CLCN6: variants seen among roughly 807,000 people sequenced by gnomAD.
CLCN6 encodes H(+)/Cl(-) exchange transporter 6.
A neutral mutation model predicts 109.8 loss-of-function variants in CLCN6; 70 were observed. That is an observed-to-expected ratio of 0.64 (90% CI 0.53 to 0.78). The LOEUF is 0.78. Among genes scored for constraint, CLCN6 ranks in the 30% least tolerant of loss-of-function variants. The probability of loss-of-function intolerance (pLI) is 0.00; values close to 1 mark genes in which losing one functional copy is unlikely to be tolerated. For missense variants in CLCN6, 984 were observed against 1,142.3 expected (o/e 0.86, Z 2.00); for synonymous variants, 444 against 447.8 (o/e 0.99, Z 0.11).
intron 9 of CLCN6, 118 bp from the exon 10 acceptor site, chr1:11,826,971 A>G: frequency 1.5e-6 from 2 of 1,321,762 alleles, no homozygotes; most frequent in African/African-American, 1.5e-5. Flanking sequence ...CTGCCCTTCC[A>G]GGATCCCTGC....
In CLCN6 at chr1:11,824,456, T is replaced by G. The variant is rs369290855; in HGVS notation, c.581-30T>G. On this transcript the variant is annotated intron_variant, in intron 7 of 22. Transcript: ENST00000346436. ...GACCCAGGGGCGTTTCTGCACTGACTGTTGGTCTTTCCTTTTTCACCCTGC... is the reference window on the plus strand; with the variant it reads ...GACCCAGGGGCGTTTCTGCACTGACGGTTGGTCTTTCCTTTTTCACCCTGC... 12 of 1,599,046 alleles carry G rather than the reference T, an allele frequency of 7.5e-6. 1 individual carries two copies. The African/African-American group carries it at 1.5e-4, about 20-fold the overall frequency.
intron 13 of CLCN6, among the ~76,000 whole-genome samples, chr1:11,831,594 C>T (rs892444298): frequency 6.6e-6 from 1 of 152,168 alleles, no homozygotes; most frequent in African/African-American, 2.4e-5. Context: ...TATTCCCAAG[C>T]CTAGCTCATT....
In CLCN6 at chr1:11,828,210, C is replaced by T. The variant is rs765120680; in HGVS notation, c.945C>T (p.Gly315=). The change falls in exon 11 of 23, where the codon GGC becomes GGT. Residue 315 remains glycine (G), a synonymous_variant. Coordinates refer to ENST00000346436, the MANE Select transcript of CLCN6 (RefSeq NM_001286.5). ...AGCTCCCTGGATTGCTGAACTTTGGCGAGTTTAAGGTATGTTTTGTCCTTT... is the reference window on the plus strand; with the variant it reads ...AGCTCCCTGGATTGCTGAACTTTGGTGAGTTTAAGGTATGTTTTGTCCTTT... The part of the protein sequence containing the change: ...SFQLPGLLNF[G]EFKCSDSDKK... 48 of 1,612,956 alleles carry T rather than the reference C, an allele frequency of 3.0e-5. 1 individual carries two copies. Among genetic ancestry groups the T allele is most frequent in the Admixed American group, 6.7e-5 (4 of 59,980 alleles).
At chr1:11,832,062 G>A (rs1644890180) in intron 13 of CLCN6, among the ~76,000 whole-genome samples, 1 of 152,156 alleles carries the variant, frequency 6.6e-6, no homozygotes, top group Non-Finnish European at 1.5e-5. Flanking sequence ...ATTCCACTGA[G>A]TACTTTATAT....
intron 4 of CLCN6, 147 bp downstream of exon 4, chr1:11,816,827 G>A: frequency 1.9e-6 from 1 of 517,754 alleles, no homozygotes; most frequent in Non-Finnish European, 3.3e-6. Flanking sequence ...ATAATCAAGA[G>A]TGCCTTTTCT....
At chr1:11,839,595 A>G (rs576587824) in intron 22 of CLCN6, among the ~76,000 whole-genome samples, 11 of 152,336 alleles carry the variant, frequency 7.2e-5, no homozygotes, top group Admixed American at 2.0e-4. Flanking sequence ...CAACCCTGGC[A>G]TGCATAGTGC....
At position 11,834,161 on chromosome 1, in the gene CLCN6, A is replaced by C. The variant is rs1185978857; in HGVS notation, c.1527-75A>C. On this transcript the variant is annotated intron_variant, in intron 15 of 22. Coordinates refer to ENST00000346436, the MANE Select transcript of CLCN6 (RefSeq NM_001286.5). The surrounding 1 kb of genome is among the most constrained non-coding windows in gnomAD (Gnocchi z 4.5). The stretch of plus-strand genomic sequence containing the variant: ...ATGCACATATGTGCATAGGCACAAG[A>C]GTATGAGCTGTAGGTCCTCCCCACA... The C allele has an allele frequency of 6.3e-7, 1 of 1,594,024 alleles. No individual in the cohort carries two copies. Among genetic ancestry groups the C allele is most frequent in the African/African-American group, 1.4e-5 (1 of 73,756 alleles).
chr1:11,815,814 T>C (rs1222309073), intron 2 of CLCN6, 32 bp from the exon 3 acceptor site: 2 of 1,574,500 alleles, frequency 1.3e-6, no homozygotes, highest in Middle Eastern at 1.7e-4. Flanking sequence ...TCACCTGACA[T>C]GACCTTTTGA....
At chr1:11,835,099 G>A (rs1037218470) in intron 17 of CLCN6, among the ~76,000 whole-genome samples, 2 of 152,202 alleles carry the variant, frequency 1.3e-5, no homozygotes, top group Admixed American at 1.3e-4. Flanking sequence ...CCGTTTCTGT[G>A]GAGGGCCAGA....
intron 5 of CLCN6, 45 bp downstream of exon 5, chr1:11,819,599 C>T (rs760444123): frequency 6.5e-7 from 1 of 1,540,574 alleles, no homozygotes; most frequent in East Asian, 2.2e-5. Flanking sequence ...TCAGTGGTCA[C>T]CAAGATTCTT....
intron 12 of CLCN6, among the ~76,000 whole-genome samples, chr1:11,828,995 C>CT (rs573574855): frequency 1.1e-3 from 165 of 152,350 alleles, no homozygotes; most frequent in African/African-American, 3.7e-3. Flanking sequence ...TAGCAGCCCA[C>CT]TTTAACTGTC....
intron 11 of CLCN6, 111 bp downstream of exon 11, chr1:11,828,330 C>A: frequency 7.1e-7 from 1 of 1,404,018 alleles, no homozygotes; most frequent in Non-Finnish European, 1.0e-6. Flanking sequence ...TCCAGGGACA[C>A]ATCTCACCCA....
At chr1:11,806,943 T>TCAGCTGATGG in intron 1 of CLCN6, 188 bp from the exon 2 acceptor site, 1 of 592,986 alleles carries the variant, frequency 1.7e-6, no homozygotes, top group Admixed American at 3.0e-5. Flanking sequence ...AATGAAGAGC[T>TCAGCTGATGG]CAGCTGATGG....
chr1:11,825,869 G>A (rs1023680203), intron 8 of CLCN6, among the ~76,000 whole-genome samples: 2 of 152,174 alleles, frequency 1.3e-5, no homozygotes, highest in Admixed American at 6.5e-5. Flanking sequence ...GTAATCAGCC[G>A]TCCGCCTCGG....
intron 9 of CLCN6, 82 bp from the exon 10 acceptor site, chr1:11,827,007 T>C (rs984922046): frequency 1.4e-5 from 21 of 1,537,134 alleles, no homozygotes; most frequent in Non-Finnish European, 1.7e-5. Context: ...TGTGAGAAAA[T>C]GTTCATGATA....
Position 11,837,327 on chromosome 1 carries a change from G to A in CLCN6, c.2139-16G>A, listed in dbSNP as rs780757608. The A allele has an allele frequency of 1.2e-6, 2 of 1,602,414 alleles. No homozygotes were observed. Among genetic ancestry groups the A allele is most frequent in the Non-Finnish European group, 1.7e-6 (2 of 1,170,442 alleles). On this transcript the variant is annotated splice_polypyrimidine_tract_variant and intron_variant, in intron 19 of 22. Coordinates refer to ENST00000346436, the MANE Select transcript of CLCN6 (RefSeq NM_001286.5). ...GCTGAGGGTATCCCAGGCAGCATCT[G>A]GTTTTTGTGTAACAGATACACTCCC...
chr1:11,836,930 C>G, intron 18 of CLCN6, 69 bp from the exon 19 acceptor site: 3 of 1,572,174 alleles, frequency 1.9e-6, no homozygotes, highest in Non-Finnish European at 2.6e-6. Flanking sequence ...CACCCAAATC[C>G]TTAAGCTCCA....
intron 2 of CLCN6, 63 bp from the exon 3 acceptor site, chr1:11,815,783 T>A: frequency 7.8e-7 from 1 of 1,281,958 alleles, no homozygotes; most frequent in Non-Finnish European, 1.1e-6. Flanking sequence ...AACCCAGAGG[T>A]TTGTCCCTTT....
rs1409786371 is a variant in CLCN6, at chr1:11,827,238, G to C, written c.840+17G>C. ...TGGAAAGTGGTGAGGAGGACCTTCA[G>C]TGAAAGCATTAACCACACCCCCCGA... On this transcript the variant is annotated intron_variant, in intron 10 of 22. Transcript: ENST00000346436. The C allele has an allele frequency of 1.9e-6, 3 of 1,606,000 alleles. No homozygotes were observed. Among genetic ancestry groups the C allele is most frequent in the Non-Finnish European group, 2.6e-6 (3 of 1,175,172 alleles).
Sources: allele counts gnomAD v4.1 joint callset (sites outside exome capture counted in the v4.1 genomes callset), GRCh38; gene constraint gnomAD v4.1.1; non-coding constraint Gnocchi (gnomAD v3.1); transcripts MANE v1.5; gene names NCBI Gene and HGNC (gene_info 2026-07-23, HGNC 2026-07-21).